The following WNT9B variants were observed in gnomAD, a reference collection of about 807,000 sequenced individuals.
WNT9B encodes the protein Wnt family member 9B, also known as protein Wnt-9b.
WNT9B carries 12 observed loss-of-function variants against 30.2 expected under a neutral mutation model. The observed-to-expected ratio is 0.40, with a 90% CI of 0.26 to 0.64. WNT9B has a LOEUF of 0.64. Among genes scored for constraint, WNT9B ranks in the 30% least tolerant of loss-of-function variants. The pLI, the probability that WNT9B is intolerant of heterozygous loss-of-function variation, is 0.42. For synonymous variants in WNT9B, 218 were observed against 216.9 expected (o/e 1.01, Z -0.05); for missense variants, 442 against 485.2 (o/e 0.91, Z 0.84).
intron 2 of WNT9B, 123 bp downstream of exon 2, chr17:46,872,896 G>A (rs2085275318): frequency 2.5e-6 from 3 of 1,187,082 alleles, no homozygotes; most frequent in Non-Finnish European, 3.4e-6. Flanking sequence ...TGCCCTTCCT[G>A]CCCTAGCACG....
chr17:46,881,366 G>A (rs898807599), downstream of WNT9B, among the ~76,000 whole-genome samples: 21 of 152,336 alleles, frequency 1.4e-4, no homozygotes, highest in Admixed American at 6.5e-4. Flanking sequence ...TGACAGACAC[G>A]TCCACATGCA....
chr17:46,848,186 T>C (rs903403107), upstream of WNT9B, among the ~76,000 whole-genome samples: 90 of 152,082 alleles, frequency 5.9e-4, no homozygotes, highest in Admixed American at 1.8e-3. Flanking sequence ...GGGGGAACAG[T>C]GGGGGTCTGT....
intron 1 of WNT9B, among the ~76,000 whole-genome samples, chr17:46,865,197 G>A (rs990556981): frequency 6.6e-6 from 1 of 152,178 alleles, no homozygotes; most frequent in Non-Finnish European, 1.5e-5. Context: ...CTTCACAGAT[G>A]TTGAACTAGC....
chr17:46,835,808 C>T (rs1382025898), intron 1 of WNT9B, among the ~76,000 whole-genome samples: 3 of 152,192 alleles, frequency 2.0e-5, no homozygotes, highest in African/African-American at 4.8e-5. Flanking sequence ...CCTGCGCCCC[C>T]TCAGCCCCCT....
In WNT9B at chr17:46,863,939, C is replaced by T. The variant is rs367687532; in HGVS notation, c.78-8578C>T. 7.9e-5 allele frequency among the ~76,000 whole-genome samples: 12 copies of T among 152,232 alleles called. No homozygotes were observed. The East Asian group carries it at 1.9e-3, about 25-fold the overall frequency. ...GGTTCCTGCTGTCCCTACAGCTGGG[C>T]GAAGGGTGTGGGCCATCCGTGGGGC... On this transcript the variant is annotated intron_variant, in intron 1 of 3. Transcript: ENST00000290015.
intron 1 of WNT9B, among the ~76,000 whole-genome samples, chr17:46,871,146 C>T (rs1238106885): frequency 6.6e-6 from 1 of 151,896 alleles, no homozygotes; most frequent in Non-Finnish European, 1.5e-5. Flanking sequence ...TGGACTCAAG[C>T]GATCCACCTG....
chr17:46,851,129 C>T (rs987565561), upstream of WNT9B, among the ~76,000 whole-genome samples: 1 of 152,176 alleles, frequency 6.6e-6, no homozygotes, highest in African/African-American at 2.4e-5. The surrounding 1 kb of genome is among the most constrained non-coding windows in gnomAD (Gnocchi z 4.3). Context: ...GCGAAGAGAC[C>T]GCACTTGCCC....
At chr17:46,852,839 T>C (rs1042166880) in intron 1 of WNT9B, among the ~76,000 whole-genome samples, 1 of 152,038 alleles carries the variant, frequency 6.6e-6, no homozygotes, top group Non-Finnish European at 1.5e-5. Context: ...GAGAGGTATG[T>C]AAAGGTCTGA....
At position 46,876,918 on chromosome 17, in the gene WNT9B, G is replaced by C. The variant is rs114446554; in HGVS notation, c.*200G>C. 4.6e-5 allele frequency: 63 copies of C among 1,357,544 alleles called. 1 individual carries two copies. The African/African-American group carries it at 8.2e-4, about 18-fold the overall frequency. 84.1% of individuals were successfully genotyped at this position (1,357,544 alleles called of 1,614,324 possible). A position where few individuals can be genotyped will look rare whatever the true frequency, so the allele number is the denominator to read the frequency against. ...TCGATACTCAACAAAGAGAAGCAAA[G>C]CCTCCTCCCTTAACCCAAGCATCCC... On this transcript the variant is annotated 3_prime_UTR_variant, in exon 4 of 4. Coordinates refer to ENST00000290015, the MANE Select transcript of WNT9B (RefSeq NM_003396.3).
upstream of WNT9B, among the ~76,000 whole-genome samples, chr17:46,849,627 C>T (rs1204247033): frequency 1.3e-5 from 2 of 152,324 alleles, no homozygotes; most frequent in South Asian, 2.1e-4. Context: ...GCTAGCTGTG[C>T]ACATCTCTTC....
At chr17:46,870,334 C>T (rs907091605) in intron 1 of WNT9B, among the ~76,000 whole-genome samples, 2 of 152,234 alleles carry the variant, frequency 1.3e-5, no homozygotes, top group Admixed American at 6.5e-5. Context: ...GTGGCCTCCT[C>T]AGCTGGAGTT....
chr17:46,847,910 C>G (rs537805614), upstream of WNT9B, among the ~76,000 whole-genome samples: 17 of 151,960 alleles, frequency 1.1e-4, no homozygotes, highest in African/African-American at 4.1e-4. Flanking sequence ...CATCCTGGAG[C>G]TAGATTTGAT....
At chr17:46,884,843 C>A (rs1043840009), downstream of WNT9B, among the ~76,000 whole-genome samples, 1 of 152,200 alleles carries the variant, frequency 6.6e-6, no homozygotes, top group South Asian at 2.1e-4. Context: ...AAGGGAGAGG[C>A]CGTGGAGCTG....
At position 46,878,177 on chromosome 17, in the gene WNT9B, A is replaced by C. The variant is rs1311236883; in HGVS notation, c.*1459A>C. 6.6e-6 allele frequency among the ~76,000 whole-genome samples: 1 copy of C among 152,208 alleles called. No homozygotes were observed. The highest frequency in any genetic ancestry group is 1.5e-5 in the Non-Finnish European group (1 of 68,046). On this transcript the variant is annotated 3_prime_UTR_variant, in exon 4 of 4. Coordinates refer to ENST00000290015, the MANE Select transcript of WNT9B (RefSeq NM_003396.3). The stretch of plus-strand genomic sequence containing the variant: ...GTGGGGCCCGATGCCACCCAGGAGG[A>C]AGTGACTTCTTTCGGGAAGCCCTTG...
chr17:46,869,379 G>T (rs1382423164), intron 1 of WNT9B, among the ~76,000 whole-genome samples: 3 of 152,196 alleles, frequency 2.0e-5, no homozygotes, highest in East Asian at 1.9e-4. Context: ...GAGACCCATT[G>T]CTCCCTCCAG....
chr17:46,871,380 G>A (rs2085241153), intron 1 of WNT9B, among the ~76,000 whole-genome samples: 1 of 152,122 alleles, frequency 6.6e-6, no homozygotes, highest in Non-Finnish European at 1.5e-5. Context: ...CTGGGAAGAG[G>A]GAAGACGAAC....
At chr17:46,839,057 T>C (rs766194732) in intron 1 of WNT9B, among the ~76,000 whole-genome samples, 35 of 152,070 alleles carry the variant, frequency 2.3e-4, no homozygotes, top group Non-Finnish European at 7.4e-5. Context: ...TTTGTATTTT[T>C]AGTAGAGACA....
chr17:46,873,303 C>T (rs1307859016), intron 2 of WNT9B, among the ~76,000 whole-genome samples: 1 of 151,364 alleles, frequency 6.6e-6, no homozygotes, highest in African/African-American at 2.4e-5. Flanking sequence ...CCTCCCCACT[C>T]CACCCACCCA....
In WNT9B at chr17:46,876,801, A is replaced by C; in HGVS notation, c.*83A>C. ...GCTGCCCAGCCGGCCCTCTGGGCAG[A>C]CTGTCATCACATGCATGCATAAACC... On this transcript the variant is annotated 3_prime_UTR_variant, in exon 4 of 4. Coordinates refer to ENST00000290015, the MANE Select transcript of WNT9B (RefSeq NM_003396.3). 6.9e-7 allele frequency: 1 copy of C among 1,456,188 alleles called. No individual in the cohort carries two copies. The highest frequency in any genetic ancestry group is 9.1e-7 in the Non-Finnish European group (1 of 1,100,570). 90.2% of individuals were successfully genotyped at this position (1,456,188 alleles called of 1,614,324 possible).
Sources: gnomAD v4.1 joint callset for allele counts (sites outside exome capture counted in the v4.1 genomes callset) on GRCh38, gnomAD v4.1.1 for gene constraint, Gnocchi (gnomAD v3.1) non-coding constraint, MANE v1.5 for transcripts, NCBI Gene and HGNC (gene_info 2026-07-23, HGNC 2026-07-21) for gene names.